PRKD1: variants seen among roughly 807,000 people sequenced by gnomAD.
The protein encoded by PRKD1 is protein kinase D1, also known as serine/threonine-protein kinase D1.
PRKD1 carries 63 observed loss-of-function variants against 95.9 expected under a neutral mutation model. The ratio of observed to expected loss-of-function variants is 0.66; its 90% CI spans 0.54 to 0.81. PRKD1 has a LOEUF of 0.81. Ranked by LOEUF, PRKD1 falls within the 30% of genes least tolerant of loss-of-function variation. The probability of loss-of-function intolerance (pLI) is 0.00; values close to 1 mark genes in which losing one functional copy is unlikely to be tolerated. For synonymous variants in PRKD1, 425 were observed against 423.1 expected (o/e 1.00, Z -0.05); for missense variants, 1,048 against 1,165.3 (o/e 0.90, Z 1.47).
chr14:29,642,453 T>C (rs953662104), intron 4 of PRKD1, among the ~76,000 whole-genome samples: 1 of 152,202 alleles, frequency 6.6e-6, no homozygotes, highest in Non-Finnish European at 1.5e-5. Context: ...AAGGAAATGA[T>C]ACTTTTAAAA....
At chr14:29,779,718 T>C (rs1362187441) in intron 1 of PRKD1, among the ~76,000 whole-genome samples, 1 of 152,084 alleles carries the variant, frequency 6.6e-6, no homozygotes, top group Non-Finnish European at 1.5e-5. Flanking sequence ...CTGCCCAAGG[T>C]AATTTATAGA....
chr14:29,900,321 T>A (rs138260003), intron 1 of PRKD1, among the ~76,000 whole-genome samples: 82 of 152,332 alleles, frequency 5.4e-4, no homozygotes, highest in African/African-American at 1.9e-3. Context: ...AGGCTCCTCC[T>A]CCTAACCATT....
At chr14:29,776,549 T>C (rs911961122) in intron 1 of PRKD1, among the ~76,000 whole-genome samples, 1 of 152,096 alleles carries the variant, frequency 6.6e-6, no homozygotes, top group Non-Finnish European at 1.5e-5. Flanking sequence ...GTATCAGTGA[T>C]TGAAGATCAA....
At chr14:29,646,467 G>C (rs562274397) in intron 4 of PRKD1, among the ~76,000 whole-genome samples, 77 of 152,102 alleles carry the variant, frequency 5.1e-4, no homozygotes, top group African/African-American at 1.8e-3. Flanking sequence ...ATTAAATACT[G>C]CATGCCTGTA....
intron 16 of PRKD1, among the ~76,000 whole-genome samples, chr14:29,591,699 A>C (rs1893135942): frequency 6.6e-6 from 1 of 152,216 alleles, no homozygotes; most frequent in Non-Finnish European, 1.5e-5. Context: ...CTCCTGCCTT[A>C]CAAATATTCT....
At chr14:29,597,091 A>G (rs1442094664) in intron 16 of PRKD1, among the ~76,000 whole-genome samples, 1 of 152,198 alleles carries the variant, frequency 6.6e-6, no homozygotes, top group Non-Finnish European at 1.5e-5. Context: ...AACTTGGTAT[A>G]CTAACATATG....
chr14:29,698,283 T>C (rs1030199779), intron 2 of PRKD1, among the ~76,000 whole-genome samples: 16 of 152,334 alleles, frequency 1.1e-4, no homozygotes, highest in Non-Finnish European at 2.1e-4. Flanking sequence ...TGGATGGTTC[T>C]TCAGGATGTC....
chr14:29,695,823 T>G (rs1161760049), intron 2 of PRKD1, among the ~76,000 whole-genome samples: 3 of 152,166 alleles, frequency 2.0e-5, no homozygotes, highest in African/African-American at 7.2e-5. Flanking sequence ...AAAGTGCTAT[T>G]GCAGATTTTA....
intron 1 of PRKD1, among the ~76,000 whole-genome samples, chr14:29,915,769 G>A (rs1038940596): frequency 3.3e-5 from 5 of 152,102 alleles, no homozygotes; most frequent in African/African-American, 1.2e-4. Flanking sequence ...CAACACAATA[G>A]GAAGATTTAA....
At chr14:29,870,518 A>G (rs908964767) in intron 1 of PRKD1, among the ~76,000 whole-genome samples, 6 of 152,242 alleles carry the variant, frequency 3.9e-5, no homozygotes, top group South Asian at 2.1e-4. Context: ...TTGCTGCCAT[A>G]GTCCACAAAT....
chr14:29,599,005 T>C (rs1893413720), intron 15 of PRKD1, 22 bp downstream of exon 15: 1 of 1,592,104 alleles, frequency 6.3e-7, no homozygotes, highest in African/African-American at 1.3e-5. Flanking sequence ...GGCTTTTTGC[T>C]GAGAGAGGCT....
chr14:29,629,561 AATT>A lies in PRKD1; in HGVS notation c.1673-471_1673-469del, dbSNP rs569093364. 2.0e-4 allele frequency among the ~76,000 whole-genome samples: 30 copies of A among 152,340 alleles called. 1 individual carries two copies. The South Asian group carries it at 6.2e-3, about 32-fold the overall frequency. On this transcript the variant is annotated intron_variant, in intron 10 of 17. Transcript: ENST00000331968. ...TTTTCGTTGTAGAGATAAATTAAAA[AATT>A]ATGACAGATAAATGGATAACACTAT...
At chr14:29,833,426 C>T (rs990230299) in intron 1 of PRKD1, among the ~76,000 whole-genome samples, 3 of 152,048 alleles carry the variant, frequency 2.0e-5, no homozygotes, top group African/African-American at 7.2e-5. Flanking sequence ...CAAAGGGGCA[C>T]TTACAGCAGC....
At chr14:29,630,038 C>T (rs1879884838) in intron 10 of PRKD1, among the ~76,000 whole-genome samples, 1 of 150,306 alleles carries the variant, frequency 6.7e-6, no homozygotes, top group African/African-American at 2.5e-5. Flanking sequence ...TCTTCTTCTC[C>T]CTCTTCTTTT....
At chr14:29,874,766 T>C (rs985200371) in intron 1 of PRKD1, among the ~76,000 whole-genome samples, 18 of 152,120 alleles carry the variant, frequency 1.2e-4, no homozygotes, top group African/African-American at 4.3e-4. Context: ...ATGTTCTCAC[T>C]CATAAGAGTT....
At chr14:29,852,856 A>G (rs1469115354) in intron 1 of PRKD1, among the ~76,000 whole-genome samples, 1 of 152,192 alleles carries the variant, frequency 6.6e-6, no homozygotes, top group Non-Finnish European at 1.5e-5. Flanking sequence ...AAAAACAAAC[A>G]GCAAAATGAC....
intron 1 of PRKD1, among the ~76,000 whole-genome samples, chr14:29,738,127 G>T (rs1372866278): frequency 1.3e-5 from 2 of 152,100 alleles, no homozygotes; most frequent in Non-Finnish European, 2.9e-5. Flanking sequence ...ATTATTTGGA[G>T]ACATATTTCT....
intron 15 of PRKD1, 57 bp from the exon 16 acceptor site, chr14:29,597,815 T>A: frequency 1.3e-6 from 2 of 1,493,098 alleles, no homozygotes; most frequent in Non-Finnish European, 1.8e-6. Context: ...TCTGTGTGTC[T>A]TAGTTCAGAT....
chr14:29,893,982 T>C (rs1894029479), intron 1 of PRKD1, among the ~76,000 whole-genome samples: 1 of 152,174 alleles, frequency 6.6e-6, no homozygotes, highest in African/African-American at 2.4e-5. Context: ...CCAGAATCTA[T>C]GAGAGAAGAG....
Sources: allele counts gnomAD v4.1 joint callset (sites outside exome capture counted in the v4.1 genomes callset), GRCh38; gene constraint gnomAD v4.1.1; transcripts MANE v1.5; gene names NCBI Gene and HGNC (gene_info 2026-07-23, HGNC 2026-07-21).